The following AHI1 variants were observed in gnomAD, a reference collection of about 807,000 sequenced individuals.
AHI1 encodes jouberin.
Under a neutral mutation model 149.3 loss-of-function variants are expected in AHI1, and 123 were observed. That is an observed-to-expected ratio of 0.82 (90% CI 0.71 to 0.96). The LOEUF is 0.96. Ranked by LOEUF, AHI1 falls within the 40% of genes least tolerant of loss-of-function variation. AHI1 has a pLI of 0.00. For synonymous variants in AHI1, 475 were observed against 459.8 expected, an observed-to-expected ratio of 1.03 and a Z score of -0.42; for missense variants, 1,439 against 1,422.7, an observed-to-expected ratio of 1.01 and a Z score of -0.18.
chr6:135,370,093 T>A (rs1774800458), intron 23 of AHI1, among the ~76,000 whole-genome samples: 1 of 152,226 alleles, frequency 6.6e-6, no homozygotes, highest in Non-Finnish European at 1.5e-5. Context: ...AGAATTTGAT[T>A]ATAGGTTAGA....
intron 5 of AHI1, among the ~76,000 whole-genome samples, chr6:135,483,897 T>C (rs1794093430): frequency 6.6e-6 from 1 of 152,236 alleles, no homozygotes; most frequent in Non-Finnish European, 1.5e-5. Context: ...GGCTATTGAA[T>C]ACTGCTGGAA....
intron 20 of AHI1, among the ~76,000 whole-genome samples, chr6:135,415,762 C>T (rs1194805325): frequency 1.3e-5 from 2 of 152,138 alleles, no homozygotes; most frequent in Admixed American, 1.3e-4. Context: ...ACCCCAATGT[C>T]CATTGACAGG....
chr6:135,479,744 G>C (rs1309757628), intron 5 of AHI1, among the ~76,000 whole-genome samples: 6 of 152,132 alleles, frequency 3.9e-5, no homozygotes, highest in African/African-American at 1.2e-4. Context: ...CATGAGATTT[G>C]GGAGGGGCCA....
chr6:135,414,267 A>T (rs1272274138), intron 20 of AHI1, among the ~76,000 whole-genome samples: 1 of 152,188 alleles, frequency 6.6e-6, no homozygotes, highest in Non-Finnish European at 1.5e-5. Context: ...ATGAACTTTG[A>T]TCCATACTTT....
At chr6:135,473,341 T>G (rs952307111) in intron 5 of AHI1, among the ~76,000 whole-genome samples, 2 of 152,210 alleles carry the variant, frequency 1.3e-5, no homozygotes, top group Admixed American at 1.3e-4. Flanking sequence ...ATTGTATTCA[T>G]CACTATTGCT....
chr6:135,468,127 C>G (rs891179075), intron 5 of AHI1, among the ~76,000 whole-genome samples: 4 of 152,156 alleles, frequency 2.6e-5, no homozygotes, highest in African/African-American at 9.7e-5. Flanking sequence ...ATTTTACCAA[C>G]TCTAAGACTC....
chr6:135,323,329 G>C lies in AHI1; in HGVS notation c.3166-5C>G, dbSNP rs1270534925. 2 of 1,612,526 alleles carry C rather than the reference G, an allele frequency of 1.2e-6. No homozygotes were observed. The highest frequency in any genetic ancestry group is 1.7e-5 in the Admixed American group (1 of 59,884). On this transcript the variant is annotated splice_polypyrimidine_tract_variant and splice_region_variant and intron_variant, in intron 24 of 28. Transcript: ENST00000265602. ...GTAGTCATAAAGAGCCACTACCTAA[G>C]AGAGAGATAAGACCACCACAGCTTT... is the stretch of plus-strand genomic sequence containing the variant.
intron 22 of AHI1, among the ~76,000 whole-genome samples, chr6:135,400,549 A>C (rs1164060269): frequency 6.6e-6 from 1 of 152,218 alleles, no homozygotes; most frequent in Non-Finnish European, 1.5e-5. Flanking sequence ...AAGCGAAAGC[A>C]GTTATTATGT....
At chr6:135,459,578 A>G (rs1308450929) in intron 8 of AHI1, among the ~76,000 whole-genome samples, 1 of 152,066 alleles carries the variant, frequency 6.6e-6, no homozygotes, top group East Asian at 1.9e-4. Context: ...AAAGACTCAT[A>G]AATTTAAAAT....
At chr6:135,374,972 A>G (rs1365481340) in intron 23 of AHI1, among the ~76,000 whole-genome samples, 2 of 152,210 alleles carry the variant, frequency 1.3e-5, no homozygotes, top group African/African-American at 4.8e-5. Flanking sequence ...GTCTTAGATG[A>G]TGTGGCCCAA....
intron 26 of AHI1, among the ~76,000 whole-genome samples, chr6:135,304,223 T>G (rs1583597849): frequency 6.6e-6 from 1 of 152,104 alleles, no homozygotes; most frequent in African/African-American, 2.4e-5. Flanking sequence ...TCTAATTTTT[T>G]TGATTTTTTA....
intron 24 of AHI1, 47 bp from the exon 25 acceptor site, chr6:135,323,371 A>C: frequency 1.3e-6 from 2 of 1,579,452 alleles, no homozygotes; most frequent in Non-Finnish European, 1.7e-6. Context: ...ACTGTACCAC[A>C]GAGAAAACCC....
At chr6:135,293,616 G>GGCAAATACCTGTAAATTGAAACTTAAAA (rs1554263369) in intron 27 of AHI1, among the ~76,000 whole-genome samples, 36 of 151,612 alleles carry the variant, frequency 2.4e-4, no homozygotes, top group African/African-American at 8.8e-4. Flanking sequence ...ATAAACTAGC[G>GGCAAATACCTGTAAATTGAAACTTAAAA]ACAATACCAT....
At chr6:135,451,919 T>C (rs1236624511) in intron 11 of AHI1, among the ~76,000 whole-genome samples, 1 of 53,712 alleles carries the variant, frequency 1.9e-5, no homozygotes, top group Non-Finnish European at 7.5e-5. Context: ...TTAACAGATT[T>C]ATAAAAGGGT....
intron 16 of AHI1, 80 bp from the exon 17 acceptor site, chr6:135,431,394 T>C (rs1784639758): frequency 3.6e-6 from 3 of 822,942 alleles, no homozygotes; most frequent in Non-Finnish European, 3.7e-6. Context: ...GGGGAAACTA[T>C]ACCCCAGTAA....
At chr6:135,302,806 GTTTTAT>G in intron 26 of AHI1, 6 of 1,288,846 alleles carry the variant, frequency 4.7e-6, no homozygotes, top group Non-Finnish European at 6.1e-6. Flanking sequence ...GAGCTGTTTT[GTTTTAT>G]TTTACCTTTA....
At chr6:135,437,864 T>C (rs1199835659) in intron 15 of AHI1, among the ~76,000 whole-genome samples, 1 of 152,226 alleles carries the variant, frequency 6.6e-6, no homozygotes, top group Non-Finnish European at 1.5e-5. Context: ...ATTGTGATAC[T>C]TATTAAATTG....
intron 23 of AHI1, among the ~76,000 whole-genome samples, chr6:135,382,426 C>T (rs1363560865): frequency 1.3e-5 from 2 of 152,306 alleles, no homozygotes; most frequent in East Asian, 1.9e-4. Context: ...GTTCCTAAAC[C>T]TAATTTCCAT....
chr6:135,403,693 G>C (rs1780341013), intron 22 of AHI1, among the ~76,000 whole-genome samples: 1 of 152,138 alleles, frequency 6.6e-6, no homozygotes, highest in Admixed American at 6.5e-5. Context: ...TACTTCAGAA[G>C]GTTTAGTAAT....
Sources: allele counts gnomAD v4.1 joint callset (sites outside exome capture counted in the v4.1 genomes callset), GRCh38; gene constraint gnomAD v4.1.1; transcripts MANE v1.5; gene names NCBI Gene and HGNC (gene_info 2026-07-23, HGNC 2026-07-21).